Variants in CSMD3 observed in about 807,000 individuals in gnomAD.
The protein encoded by CSMD3 is CUB and Sushi multiple domains 3.
In CSMD3, 177 loss-of-function variants were observed where a neutral mutation model predicts 435.2. That is an observed-to-expected ratio of 0.41 (90% CI 0.36 to 0.46). The LOEUF (loss-of-function observed/expected upper bound fraction) is 0.46. Ranked by LOEUF, CSMD3 falls within the 20% of genes least tolerant of loss-of-function variation. The pLI, the probability that CSMD3 is intolerant of heterozygous loss-of-function variation, is 0.34. For synonymous variants in CSMD3, 1,656 were observed against 1,520.5 expected (o/e 1.09, Z -2.07); for missense variants, 4,265 against 4,504.6 (o/e 0.95, Z 1.52).
At chr8:112,350,101 A>T (rs1167337423) in intron 40 of CSMD3, among the ~76,000 whole-genome samples, 1 of 152,056 alleles carries the variant, frequency 6.6e-6, no homozygotes, top group Non-Finnish European at 1.5e-5. Context: ...GGCCCTTAGA[A>T]GATACCAATC....
At chr8:112,510,962 A>C (rs186348341) in intron 28 of CSMD3, among the ~76,000 whole-genome samples, 113 of 152,358 alleles carry the variant, frequency 7.4e-4, no homozygotes, top group Admixed American at 6.5e-4. Flanking sequence ...GTTTTAATAA[A>C]AATAGCAACA....
In CSMD3 at chr8:113,217,994, G is replaced by A. The variant is rs184626746; in HGVS notation, c.515-44078C>T. Among the ~76,000 whole-genome samples the A allele has an allele frequency of 5.2e-3, 781 of 151,180 alleles. 11 individuals are homozygous for A. The highest frequency in any genetic ancestry group is 0.018 in the African/African-American group (754 of 41,388). On this transcript the variant is annotated intron_variant, in intron 3 of 70. Coordinates refer to ENST00000297405, the MANE Select transcript of CSMD3 (RefSeq NM_198123.2). ...AATACATTCATAAACGTATAATAATGTAACTGCTAAATTTTTAACAGAAGC... is the reference window on the plus strand; with the variant it reads ...AATACATTCATAAACGTATAATAATATAACTGCTAAATTTTTAACAGAAGC...
chr8:112,472,877 T>G (rs145593243), intron 31 of CSMD3, among the ~76,000 whole-genome samples, 170 bp from the exon 32 acceptor site: 19 of 152,312 alleles, frequency 1.2e-4, no homozygotes, highest in Admixed American at 8.5e-4. Flanking sequence ...AATAAAAAAG[T>G]GTACAAACAA....
intron 32 of CSMD3, among the ~76,000 whole-genome samples, chr8:112,465,499 A>C (rs1406864564): frequency 1.3e-5 from 2 of 152,176 alleles, no homozygotes; most frequent in Non-Finnish European, 2.9e-5. Context: ...TGGCCAAGCC[A>C]TGGCTTGAGA....
intron 13 of CSMD3, among the ~76,000 whole-genome samples, chr8:112,719,366 G>A (rs535524728): frequency 1.6e-4 from 24 of 152,258 alleles, no homozygotes; most frequent in East Asian, 1.4e-3. Flanking sequence ...AGCTTATGCT[G>A]CTACACCAAA....
chr8:112,830,004 C>T (rs2079821508), intron 11 of CSMD3, among the ~76,000 whole-genome samples: 1 of 151,672 alleles, frequency 6.6e-6, no homozygotes, highest in African/African-American at 2.4e-5. Flanking sequence ...TCTTAAAGTT[C>T]AATCATATCA....
At chr8:112,834,680 T>C (rs2079970979) in intron 11 of CSMD3, among the ~76,000 whole-genome samples, 1 of 151,704 alleles carries the variant, frequency 6.6e-6, no homozygotes, top group African/African-American at 2.4e-5. Context: ...CATTTATTTT[T>C]GTATAATATA....
chr8:112,264,151 T>C (rs1320453541), intron 60 of CSMD3, among the ~76,000 whole-genome samples: 1 of 152,136 alleles, frequency 6.6e-6, no homozygotes, highest in South Asian at 2.1e-4. Context: ...AAAATTATTT[T>C]CCAATGACCT....
At chr8:113,407,113 T>C (rs544951713) in intron 1 of CSMD3, among the ~76,000 whole-genome samples, 41 of 152,262 alleles carry the variant, frequency 2.7e-4, no homozygotes, top group Non-Finnish European at 5.0e-4. Context: ...GAGCTGTTAC[T>C]AAAAATCAGA....
intron 7 of CSMD3, among the ~76,000 whole-genome samples, chr8:112,957,628 T>C (rs1157946057): frequency 1.3e-5 from 2 of 151,874 alleles, no homozygotes; most frequent in African/African-American, 4.8e-5. Context: ...TTTTCGTAGT[T>C]ATAATAGAGA....
At chr8:112,314,853 A>G (rs1008483172) in intron 47 of CSMD3, among the ~76,000 whole-genome samples, 2 of 152,026 alleles carry the variant, frequency 1.3e-5, no homozygotes, top group African/African-American at 4.8e-5. Context: ...CACTTTCTGG[A>G]CATAAATAAA....
intron 68 of CSMD3, among the ~76,000 whole-genome samples, chr8:112,233,090 T>G (rs954103839): frequency 6.6e-6 from 1 of 152,338 alleles, no homozygotes; most frequent in African/African-American, 2.4e-5. Context: ...AAAAATACTT[T>G]ATATGCATAA....
At chr8:113,262,841 T>C (rs1014441969) in intron 3 of CSMD3, among the ~76,000 whole-genome samples, 1 of 152,084 alleles carries the variant, frequency 6.6e-6, no homozygotes, top group South Asian at 2.1e-4. Flanking sequence ...TGCCAACGCC[T>C]GGACTGAAGC....
intron 13 of CSMD3, among the ~76,000 whole-genome samples, chr8:112,747,962 C>CAAAAAAAAAAAAAAAAAAAAAAA (rs71309788): frequency 2.6e-4 from 25 of 96,756 alleles, no homozygotes; most frequent in African/African-American, 5.8e-4. Context: ...GACTCCGTCT[C>CAAAAAAAAAAAAAAAAAAAAAAA]AAAAAAAAAA....
intron 24 of CSMD3, among the ~76,000 whole-genome samples, chr8:112,571,515 T>C (rs1563717487): frequency 6.6e-6 from 1 of 151,926 alleles, no homozygotes. Context: ...TACATAGATA[T>C]TATGTATCAA....
rs181523662 is a variant in CSMD3 at position 112,465,156 on chromosome 8, T to G, written c.5395+7435A>C. On this transcript the variant is annotated intron_variant, in intron 32 of 70. Coordinates refer to ENST00000297405, the MANE Select transcript of CSMD3 (RefSeq NM_198123.2). ...GGTGATTATCCCCACTGTGTCTCCA[T>G]TTAGTAGCCTATTTTAGCTGCTTTT... Among the ~76,000 whole-genome samples, 5 of 152,268 alleles carry G rather than the reference T, an allele frequency of 3.3e-5. No homozygotes were observed. In the East Asian group the frequency reaches 9.7e-4, roughly 29 times the overall value.
intron 29 of CSMD3, among the ~76,000 whole-genome samples, chr8:112,504,474 T>A (rs948933796): frequency 1.3e-5 from 2 of 152,122 alleles, no homozygotes; most frequent in African/African-American, 4.8e-5. Flanking sequence ...CAATCAGATA[T>A]GGACAAAAGC....
chr8:112,556,734 T>C (rs2131223342), intron 25 of CSMD3, 29 bp downstream of exon 25: 1 of 1,549,138 alleles, frequency 6.5e-7, no homozygotes, highest in Non-Finnish European at 8.9e-7. Flanking sequence ...CACAGAAATA[T>C]TCAATGAAAA....
In CSMD3 at chr8:113,377,140, G is replaced by A. The variant is rs547863214; in HGVS notation, c.178+59537C>T. The A allele has an allele frequency of 9.2e-5, 116 of 1,254,186 alleles. No homozygotes were observed. The East Asian group carries it at 4.7e-3, about 51-fold the overall frequency. The allele number at this position is 1,254,186 out of a possible 1,614,324, so 77.7% of individuals were successfully genotyped here. The stretch of plus-strand genomic sequence containing the variant: ...CGTCCGGCTCTCCGGTCCTCCAAAG[G>A]GCCGAGGGGTGTACGCCCCGGAAAC... On this transcript the variant is annotated intron_variant, in intron 1 of 70. Coordinates refer to ENST00000297405, the MANE Select transcript of CSMD3 (RefSeq NM_198123.2).
Sources: gnomAD v4.1 joint callset for allele counts (sites outside exome capture counted in the v4.1 genomes callset) on GRCh38, gnomAD v4.1.1 for gene constraint, MANE v1.5 for transcripts, NCBI Gene and HGNC (gene_info 2026-07-23, HGNC 2026-07-21) for gene names.